Variants in TBL1XR1 observed in about 807,000 individuals in gnomAD.
TBL1XR1 encodes the protein F-box-like/WD repeat-containing protein TBL1XR1.
A neutral mutation model predicts 66.9 loss-of-function variants in TBL1XR1; 5 were observed. The observed-to-expected ratio is 0.07, with a 90% confidence interval of 0.04 to 0.16. The LOEUF (loss-of-function observed/expected upper bound fraction) is 0.16. Ranked by LOEUF, TBL1XR1 falls within the 10% of genes least tolerant of loss-of-function variation. The pLI is 1.00. For missense variants in TBL1XR1, 238 were observed against 623.2 expected (o/e 0.38, Z 6.58); for synonymous variants, 210 against 206.0 (o/e 1.02, Z -0.17).
At chr3:177,038,202 C>A in intron 11 of TBL1XR1, 30 bp from the exon 12 acceptor site, 1 of 1,609,238 alleles carries the variant, frequency 6.2e-7, no homozygotes, top group Non-Finnish European at 8.5e-7. Context: ...TTCACATTTT[C>A]ATTGTATAGA....
At chr3:177,112,621 T>C (rs907835036) in intron 1 of TBL1XR1, among the ~76,000 whole-genome samples, 4 of 152,272 alleles carry the variant, frequency 2.6e-5, no homozygotes, top group Admixed American at 2.0e-4. Context: ...GTACATAATA[T>C]TGTCCGTTTT....
intron 1 of TBL1XR1, among the ~76,000 whole-genome samples, chr3:177,152,991 A>C (rs1731073543): frequency 6.6e-6 from 1 of 152,140 alleles, no homozygotes; most frequent in South Asian, 2.1e-4. Context: ...AAATAAAAAA[A>C]CTAGCTGGGC....
At chr3:177,109,949 T>C (rs1725353666) in intron 1 of TBL1XR1, among the ~76,000 whole-genome samples, 2 of 152,206 alleles carry the variant, frequency 1.3e-5, no homozygotes, top group East Asian at 3.8e-4. Flanking sequence ...CTTGGTGTTG[T>C]CCGCTTACTA....
chr3:177,181,002 T>A (rs1734752537), intron 1 of TBL1XR1, among the ~76,000 whole-genome samples: 1 of 151,812 alleles, frequency 6.6e-6, no homozygotes, highest in African/African-American at 2.4e-5. Context: ...CACCAAGTAC[T>A]AGGATTAGAG....
intron 1 of TBL1XR1, among the ~76,000 whole-genome samples, chr3:177,171,233 G>A (rs781571898): frequency 5.3e-5 from 8 of 151,808 alleles, no homozygotes; most frequent in Non-Finnish European, 8.8e-5. Flanking sequence ...CCAGCTACTC[G>A]GGAGACTGAG....
At chr3:177,196,454 C>T (rs1465507948) in intron 1 of TBL1XR1, 1 of 150,616 alleles carries the variant, frequency 6.6e-6, no homozygotes, top group South Asian at 2.1e-4. Context: ...TAAACACGTC[C>T]CGGAGCAAGG....
chr3:177,098,335 TAA>T, intron 2 of TBL1XR1, 129 bp downstream of exon 2: 2 of 292,178 alleles, frequency 6.8e-6, no homozygotes, highest in Non-Finnish European at 1.0e-5. Flanking sequence ...ATAAAAAATT[TAA>T]AAAAAAAACA....
chr3:177,104,006 C>T (rs1724551071), intron 1 of TBL1XR1, among the ~76,000 whole-genome samples: 1 of 151,778 alleles, frequency 6.6e-6, no homozygotes, highest in African/African-American at 2.4e-5. Flanking sequence ...ATCCCAGCTA[C>T]TCGGGAGGCT....
At chr3:177,065,440 G>A (rs1004252351) in intron 2 of TBL1XR1, among the ~76,000 whole-genome samples, 2 of 152,158 alleles carry the variant, frequency 1.3e-5, no homozygotes, top group African/African-American at 4.8e-5. Flanking sequence ...ATTGGGTGGG[G>A]TAGAACCATG....
chr3:177,066,224 A>G (rs1719146489), intron 2 of TBL1XR1, among the ~76,000 whole-genome samples: 1 of 152,144 alleles, frequency 6.6e-6, no homozygotes. Context: ...CTACTGCCCT[A>G]CATTGAGGAC....
At chr3:177,164,548 C>T (rs1732596101) in intron 1 of TBL1XR1, among the ~76,000 whole-genome samples, 2 of 152,088 alleles carry the variant, frequency 1.3e-5, no homozygotes, top group African/African-American at 4.8e-5. Flanking sequence ...TGGGGTTTCC[C>T]CATCTTGGCC....
rs761647251 is a variant in TBL1XR1 at position 177,189,649 on chromosome 3, C to CAAA, written c.-122+7469_-122+7471dup. Among the ~76,000 whole-genome samples, 17 of 45,222 alleles carry CAAA rather than the reference C, an allele frequency of 3.8e-4. 1 individual carries two copies. Among genetic ancestry groups the CAAA allele is most frequent in the African/African-American group, 1.3e-3 (15 of 11,616 alleles). 29.7% of individuals were successfully genotyped at this position (45,222 alleles called of 152,430 possible). A position where few individuals can be genotyped will look rare whatever the true frequency, so the allele number is the denominator to read the frequency against. ...TGGGAGACAGAGCAAGACTCCATCTCAAAAAAAAAAAAAAAAGAAGGATGT... is the reference window on the plus strand; with the variant it reads ...TGGGAGACAGAGCAAGACTCCATCTCAAAAAAAAAAAAAAAAAAAGAAGGATGT... On this transcript the variant is annotated intron_variant, in intron 1 of 15. Transcript: ENST00000457928.
intron 1 of TBL1XR1, among the ~76,000 whole-genome samples, chr3:177,154,789 T>C (rs990358760): frequency 3.3e-5 from 5 of 152,106 alleles, no homozygotes; most frequent in African/African-American, 1.2e-4. Flanking sequence ...ACACAGAAGA[T>C]CTAAACACTT....
chr3:177,147,208 A>G (rs1246959854), intron 1 of TBL1XR1, among the ~76,000 whole-genome samples: 1 of 152,020 alleles, frequency 6.6e-6, no homozygotes, highest in African/African-American at 2.4e-5. Flanking sequence ...CACCATGCCC[A>G]GCTAACATTT....
At chr3:177,116,688 GTTAT>G (rs1381864559) in intron 1 of TBL1XR1, among the ~76,000 whole-genome samples, 1 of 152,118 alleles carries the variant, frequency 6.6e-6, no homozygotes, top group Non-Finnish European at 1.5e-5. Flanking sequence ...CAACAAGCTG[GTTAT>G]TTAACCTCTC....
intron 1 of TBL1XR1, among the ~76,000 whole-genome samples, chr3:177,152,360 G>A (rs550098751): frequency 6.6e-6 from 1 of 152,156 alleles, no homozygotes; most frequent in African/African-American, 2.4e-5. Context: ...TTGTTGCCCA[G>A]GCTGGAGTGC....
intron 2 of TBL1XR1, among the ~76,000 whole-genome samples, chr3:177,088,723 A>C (rs1722463692): frequency 1.3e-5 from 2 of 150,800 alleles, no homozygotes; most frequent in Admixed American, 6.6e-5. Context: ...AAAAAAAAAA[A>C]AGAAAAGAAA....
intron 2 of TBL1XR1, chr3:177,080,044 G>A (rs911221367): frequency 6.6e-6 from 1 of 152,156 alleles, no homozygotes; most frequent in Non-Finnish European, 1.5e-5. Flanking sequence ...TCAATCAAAT[G>A]TAAGATTTCT....
intron 1 of TBL1XR1, among the ~76,000 whole-genome samples, chr3:177,129,041 T>C (rs955564841): frequency 6.6e-6 from 1 of 152,216 alleles, no homozygotes; most frequent in Non-Finnish European, 1.5e-5. Context: ...GAGGTGGTTT[T>C]TGCACTTTAA....
Sources: gnomAD v4.1 joint callset for allele counts (sites outside exome capture counted in the v4.1 genomes callset) on GRCh38, gnomAD v4.1.1 for gene constraint, MANE v1.5 for transcripts, NCBI Gene and HGNC (gene_info 2026-07-23, HGNC 2026-07-21) for gene names.